The following URI1 variants were observed in gnomAD, a reference collection of about 807,000 sequenced individuals.
URI1 encodes URI1 prefoldin like chaperone, also known as unconventional prefoldin RPB5 interactor 1.
URI1 carries 39 observed loss-of-function variants against 60.2 expected under a neutral mutation model. The observed-to-expected ratio is 0.65, with a 90% CI of 0.50 to 0.85. URI1 has a LOEUF of 0.85. Among genes scored for constraint, URI1 ranks in the 40% least tolerant of loss-of-function variants. The pLI is 0.00. For missense variants in URI1, 691 were observed against 665.9 expected, an observed-to-expected ratio of 1.04 and a Z score of -0.42; for synonymous variants, 251 against 236.8, an observed-to-expected ratio of 1.06 and a Z score of -0.55.
chr19:30,015,684 A>G lies in URI1; in HGVS notation c.*615A>G. 2 of 1,117,336 alleles carry G rather than the reference A, an allele frequency of 1.8e-6. No individual in the cohort carries two copies. Among genetic ancestry groups the G allele is most frequent in the Non-Finnish European group, 2.5e-6 (2 of 794,980 alleles). 69.2% of individuals were successfully genotyped at this position (1,117,336 alleles called of 1,614,324 possible). A position where few individuals can be genotyped will look rare whatever the true frequency, so the allele number is the denominator to read the frequency against. On this transcript the variant is annotated 3_prime_UTR_variant, in exon 11 of 11. Coordinates refer to ENST00000392271, the MANE Select transcript of URI1 (RefSeq NM_003796.3). ...TGTAAAACTTTTTTTTCCAAGTAAA[A>G]ACTTTATGAAACTTGGTCTCAAAAA...
chr19:29,982,045 G>GAATGTTTCC (rs2055604928), intron 2 of URI1, among the ~76,000 whole-genome samples: 1 of 152,120 alleles, frequency 6.6e-6, no homozygotes, highest in Admixed American at 6.5e-5. Flanking sequence ...ATCACTGTTT[G>GAATGTTTCC]ACTAAGCCCT....
intron 2 of URI1, among the ~76,000 whole-genome samples, chr19:29,975,726 G>A (rs1031764102): frequency 2.6e-5 from 4 of 152,026 alleles, no homozygotes; most frequent in Non-Finnish European, 5.9e-5. Context: ...GGCTGGTCTC[G>A]AACTCCTGAG....
At chr19:29,974,289 A>C (rs7249169) in intron 2 of URI1, among the ~76,000 whole-genome samples, 8,766 of 152,140 alleles carry the variant, frequency 0.058, 287 homozygotes, top group East Asian at 0.11. Context: ...TGAAAATTTT[A>C]ATTGTCAGAC....
chr19:29,932,496 T>C (rs2054929953), intron 1 of URI1, among the ~76,000 whole-genome samples: 1 of 151,826 alleles, frequency 6.6e-6, no homozygotes. Flanking sequence ...TTTGTATTTT[T>C]AGTAGAGATG....
intron 1 of URI1, among the ~76,000 whole-genome samples, chr19:29,926,048 T>A (rs2054862849): frequency 6.6e-6 from 1 of 152,160 alleles, no homozygotes. Flanking sequence ...CCTGGGGTTC[T>A]AGGAATCAAT....
intron 1 of URI1, among the ~76,000 whole-genome samples, chr19:29,927,547 C>T (rs1161353632): frequency 7.1e-6 from 1 of 141,834 alleles, no homozygotes; most frequent in Non-Finnish European, 1.5e-5. Flanking sequence ...CAAGCATGAG[C>T]CACTGCACCC....
At chr19:29,961,786 A>G (rs1416150767) in intron 1 of URI1, among the ~76,000 whole-genome samples, 1 of 151,544 alleles carries the variant, frequency 6.6e-6, no homozygotes, top group Non-Finnish European at 1.5e-5. Context: ...CCTGGGTTCA[A>G]GTGATTCTCC....
In URI1 at chr19:30,015,317, TGCAGTGGCA is replaced by T; in HGVS notation, c.*252_*260del. On this transcript the variant is annotated 3_prime_UTR_variant, in exon 11 of 11. Transcript: ENST00000392271. ...CTCTTATCTAAGTTTGCCTTTATGA[TGCAGTGGCA>T]GCATTTTGAATTACTTTTCAAAGAA... is the stretch of plus-strand genomic sequence containing the variant. The T allele has an allele frequency of 7.1e-7, 1 of 1,416,416 alleles. No individual in the cohort carries two copies. Among genetic ancestry groups the T allele is most frequent in the Non-Finnish European group, 9.2e-7 (1 of 1,091,786 alleles). 87.7% of individuals were successfully genotyped at this position (1,416,416 alleles called of 1,614,324 possible).
chr19:29,969,868 G>A (rs776550603), intron 1 of URI1, among the ~76,000 whole-genome samples: 10 of 152,134 alleles, frequency 6.6e-5, no homozygotes, highest in Non-Finnish European at 1.5e-5. Context: ...TCTTCCAGAT[G>A]TAAAGTCAGT....
At chr19:29,986,251 T>G in intron 3 of URI1, 31 bp from the exon 4 acceptor site, 1 of 1,530,618 alleles carries the variant, frequency 6.5e-7, no homozygotes, top group Non-Finnish European at 8.7e-7. Context: ...TTTTATGTTT[T>G]TTCCCTTTTT....
chr19:30,014,716 T>G (rs2056063516), intron 10 of URI1, among the ~76,000 whole-genome samples, 171 bp from the exon 11 acceptor site: 1 of 152,192 alleles, frequency 6.6e-6, no homozygotes, highest in East Asian at 1.9e-4. Flanking sequence ...AAATTAAAAC[T>G]TAATGGTGTT....
intron 2 of URI1, among the ~76,000 whole-genome samples, chr19:29,977,585 T>TGAGTA (rs3049112): frequency 4.3e-5 from 6 of 139,376 alleles, no homozygotes; most frequent in African/African-American, 1.6e-4. Context: ...TCCCTCCTCT[T>TGAGTA]GAGCAGAGAG....
chr19:29,980,875 T>A (rs2055587740), intron 2 of URI1, among the ~76,000 whole-genome samples: 1 of 128,118 alleles, frequency 7.8e-6, no homozygotes, highest in Admixed American at 9.8e-5. Context: ...TGAGCCGAGA[T>A]CACGCCACGG....
At chr19:29,985,173 A>AAAAAAAAAAAAAAG (rs2055650652) in intron 2 of URI1, 50 bp from the exon 3 acceptor site, 1 of 290,700 alleles carries the variant, frequency 3.4e-6, no homozygotes, top group Non-Finnish European at 6.7e-6. Flanking sequence ...AAAAAAAAAA[A>AAAAAAAAAAAAAAG]AAAAGAAAAA....
intron 4 of URI1, among the ~76,000 whole-genome samples, chr19:30,000,245 G>A (rs1028300570): frequency 1.3e-5 from 2 of 151,554 alleles, no homozygotes; most frequent in Non-Finnish European, 2.9e-5. Context: ...TTTTTTTGTT[G>A]TTAAAAATTT....
At chr19:29,980,637 A>AAC (rs1205260485) in intron 2 of URI1, among the ~76,000 whole-genome samples, 2 of 148,482 alleles carry the variant, frequency 1.3e-5, no homozygotes, top group African/African-American at 2.5e-5. Context: ...AAAAAAAAAA[A>AAC]AACTGGGCCA....
At chr19:29,985,880 C>T (rs991378304) in intron 3 of URI1, among the ~76,000 whole-genome samples, 2 of 152,156 alleles carry the variant, frequency 1.3e-5, no homozygotes, top group African/African-American at 4.8e-5. Context: ...TCCTGCTTTG[C>T]AAAAGTGTCT....
intron 1 of URI1, among the ~76,000 whole-genome samples, chr19:29,966,957 T>G: frequency 6.6e-6 from 1 of 152,206 alleles, no homozygotes; most frequent in Non-Finnish European, 1.5e-5. Context: ...GATGAAGAAG[T>G]ACTCTTGACC....
Position 30,003,283 on chromosome 19 carries a change from A to G in URI1, c.368-2078A>G, listed in dbSNP as rs186157942. Among the ~76,000 whole-genome samples the G allele has an allele frequency of 7.7e-3, 1,164 of 151,988 alleles. 11 individuals carry two copies. The highest frequency in any genetic ancestry group is 0.027 in the Middle Eastern group (8 of 294). On this transcript the variant is annotated intron_variant, in intron 4 of 10. Coordinates refer to ENST00000392271, the MANE Select transcript of URI1 (RefSeq NM_003796.3). ...GCCCAGCTTTCTTTTGTCTTGTCTTAAATTTTCTGTATAGCTATCTAATTT... is the reference window on the plus strand; with the variant it reads ...GCCCAGCTTTCTTTTGTCTTGTCTTGAATTTTCTGTATAGCTATCTAATTT...
Sources: allele counts gnomAD v4.1 joint callset (sites outside exome capture counted in the v4.1 genomes callset), GRCh38; gene constraint gnomAD v4.1.1; transcripts MANE v1.5; gene names NCBI Gene and HGNC (gene_info 2026-07-23, HGNC 2026-07-21).